Variants in ZWILCH observed in about 807,000 individuals in gnomAD.
ZWILCH encodes the protein protein zwilch homolog.
Under a neutral mutation model 79.9 loss-of-function variants are expected in ZWILCH, and 74 were observed. The ratio of observed to expected loss-of-function variants is 0.93; its 90% CI spans 0.77 to 1.12. The LOEUF is 1.12. ZWILCH is among the 50% of genes most tolerant of loss of function. The pLI is 0.00. For synonymous variants in ZWILCH, 241 were observed against 228.2 expected, an observed-to-expected ratio of 1.06 and a Z score of -0.51; for missense variants, 694 against 687.5, an observed-to-expected ratio of 1.01 and a Z score of -0.11.
At position 66,536,960 on chromosome 15, in the gene ZWILCH, A is replaced by G. The variant is rs147471929; in HGVS notation, c.1479-208A>G. On this transcript the variant is annotated intron_variant, in intron 15 of 18. Transcript: ENST00000307897. ...TATTAATTTTTTAAAAGTGAATGAG[A>G]TTTGTTTTCAAAGAAAAAAACATAA... Among the ~76,000 whole-genome samples, 45 of 152,082 alleles carry G rather than the reference A, an allele frequency of 3.0e-4. 1 individual carries two copies. The South Asian group carries it at 8.5e-3, about 29-fold the overall frequency.
chr15:66,513,489 C>T (rs892538013), intron 2 of ZWILCH, among the ~76,000 whole-genome samples: 2 of 151,886 alleles, frequency 1.3e-5, no homozygotes, highest in African/African-American at 4.8e-5. Context: ...TTGCTTGAGC[C>T]CAGGAGTTTG....
intron 14 of ZWILCH, among the ~76,000 whole-genome samples, chr15:66,534,228 A>G (rs978801067): frequency 1.3e-4 from 20 of 152,238 alleles, no homozygotes; most frequent in Admixed American, 5.2e-4. Flanking sequence ...ACAACTATTT[A>G]TGTAGCATTT....
intron 14 of ZWILCH, among the ~76,000 whole-genome samples, chr15:66,535,001 C>T (rs1338472538): frequency 6.6e-6 from 1 of 151,880 alleles, no homozygotes; most frequent in Non-Finnish European, 1.5e-5. Flanking sequence ...AAAATATTTT[C>T]TCTTTGTATT....
In ZWILCH at chr15:66,523,755, A is replaced by T. The variant is rs368030432; in HGVS notation, c.819+7A>T. Reference sequence around the variant, plus strand: ...AGAACTGAAATTTCTTCTTGTGAGTATCCTTCTAGAATTCCTTTCCTTAAA... The same window carrying T: ...AGAACTGAAATTTCTTCTTGTGAGTTTCCTTCTAGAATTCCTTTCCTTAAA... On this transcript the variant is annotated splice_region_variant and intron_variant, in intron 8 of 18. Coordinates refer to ENST00000307897, the MANE Select transcript of ZWILCH (RefSeq NM_017975.5). 4.7e-5 allele frequency: 75 copies of T among 1,592,282 alleles called. No homozygotes were observed. Among genetic ancestry groups the T allele is most frequent in the Middle Eastern group, 3.3e-4 (2 of 6,002 alleles).
At chr15:66,513,375 G>A (rs1454203113) in intron 2 of ZWILCH, among the ~76,000 whole-genome samples, 1 of 151,904 alleles carries the variant, frequency 6.6e-6, no homozygotes, top group Non-Finnish European at 1.5e-5. Flanking sequence ...AGACCAGCCT[G>A]GGCAATATAG....
chr15:66,538,917 T>C (rs550667177), intron 16 of ZWILCH, among the ~76,000 whole-genome samples: 7 of 152,340 alleles, frequency 4.6e-5, no homozygotes, highest in Non-Finnish European at 1.0e-4. Flanking sequence ...GTGATTGCAT[T>C]TATTCTCAAG....
At chr15:66,525,693 C>T (rs932275187) in intron 8 of ZWILCH, among the ~76,000 whole-genome samples, 1 of 151,954 alleles carries the variant, frequency 6.6e-6, no homozygotes, top group African/African-American at 2.4e-5. Context: ...CACCAAACTC[C>T]ATGCCCCAAG....
At chr15:66,515,749 A>T (rs776775695) in intron 4 of ZWILCH, 105 bp downstream of exon 4, 46 of 776,300 alleles carry the variant, frequency 5.9e-5, no homozygotes, top group Non-Finnish European at 8.3e-5. Context: ...ATCTTCCTTC[A>T]TCTCCCCCAC....
At chr15:66,513,231 T>C (rs1224414716) in intron 2 of ZWILCH, among the ~76,000 whole-genome samples, 1 of 151,912 alleles carries the variant, frequency 6.6e-6, no homozygotes, top group African/African-American at 2.4e-5. Flanking sequence ...GTACCCAGCC[T>C]GTTTTCAAAC....
At chr15:66,510,750 T>C (rs1595902892) in intron 2 of ZWILCH, among the ~76,000 whole-genome samples, 2 of 152,214 alleles carry the variant, frequency 1.3e-5, no homozygotes, top group Admixed American at 6.5e-5. Context: ...TTTCCTTGCC[T>C]CTTTCTACCT....
rs1895466929 is a variant in ZWILCH, at chr15:66,548,525, C to T, written c.*201C>T. The T allele has an allele frequency of 3.7e-6, 6 of 1,612,356 alleles. No individual in the cohort carries two copies. Among genetic ancestry groups the T allele is most frequent in the Non-Finnish European group, 5.1e-6 (6 of 1,178,498 alleles). Reference sequence around the variant, plus strand: ...CTCCTCAGGAGGAGCATTAGTAGAACAGCAGTGATGAGGACACAGAGGGAG... The same window carrying T: ...CTCCTCAGGAGGAGCATTAGTAGAATAGCAGTGATGAGGACACAGAGGGAG... On this transcript the variant is annotated 3_prime_UTR_variant, in exon 19 of 19. Coordinates refer to ENST00000307897, the MANE Select transcript of ZWILCH (RefSeq NM_017975.5).
chr15:66,543,663 G>A (rs1435658529), intron 17 of ZWILCH, among the ~76,000 whole-genome samples: 2 of 151,876 alleles, frequency 1.3e-5, no homozygotes, highest in Non-Finnish European at 2.9e-5. Flanking sequence ...AGGCTGAGGT[G>A]GGAGGATTAG....
intron 17 of ZWILCH, among the ~76,000 whole-genome samples, chr15:66,544,983 C>T: frequency 6.6e-6 from 1 of 151,654 alleles, no homozygotes; most frequent in Non-Finnish European, 1.5e-5. Flanking sequence ...ACCTCATGAT[C>T]CGCCTGCCTT....
intron 17 of ZWILCH, among the ~76,000 whole-genome samples, chr15:66,544,724 T>TTTTGTGTGTGTGTGTGTGTG (rs145952622): frequency 7.8e-6 from 1 of 128,488 alleles, no homozygotes; most frequent in African/African-American, 3.1e-5. Context: ...TTTTTGGTTT[T>TTTTGTGTGTGTGTGTGTGTG]TGTGTGTGTG....
chr15:66,547,556 A>T (rs564413729), intron 18 of ZWILCH: 11 of 152,216 alleles, frequency 7.2e-5, no homozygotes, highest in Non-Finnish European at 1.5e-4. Flanking sequence ...AATCTTTATT[A>T]TAAAAAAGAC....
intron 1 of ZWILCH, among the ~76,000 whole-genome samples, chr15:66,507,809 T>C (rs892376101): frequency 6.6e-6 from 1 of 152,126 alleles, no homozygotes; most frequent in African/African-American, 2.4e-5. Context: ...GGCAGGCTCC[T>C]GTAGTCCTAG....
chr15:66,515,714 G>A lies in ZWILCH; in HGVS notation c.320+70G>A, dbSNP rs1894226908. 3.8e-6 allele frequency: 4 copies of A among 1,053,170 alleles called. No homozygotes were observed. In the South Asian group the frequency reaches 3.9e-5, roughly 10 times the overall value. 65.2% of individuals were successfully genotyped at this position (1,053,170 alleles called of 1,614,324 possible). ...AATTGAAACATTCTTATAAACGTTG[G>A]GAAAAATAGGCCTCTAGCCCTTATA... On this transcript the variant is annotated intron_variant, in intron 4 of 18. Coordinates refer to ENST00000307897, the MANE Select transcript of ZWILCH (RefSeq NM_017975.5).
chr15:66,546,207 G>T (rs909345139), intron 17 of ZWILCH, among the ~76,000 whole-genome samples: 2 of 152,154 alleles, frequency 1.3e-5, no homozygotes, highest in African/African-American at 4.8e-5. Context: ...GAGAAAAATG[G>T]ATATGTGTCT....
At chr15:66,529,383 G>C (rs1397666441) in intron 11 of ZWILCH, 111 bp from the exon 12 acceptor site, 1 of 538,466 alleles carries the variant, frequency 1.9e-6, no homozygotes, top group African/African-American at 2.0e-5. Flanking sequence ...TCCCCTGCTT[G>C]CAAAGTACAA....
Sources: allele counts gnomAD v4.1 joint callset (sites outside exome capture counted in the v4.1 genomes callset), GRCh38; gene constraint gnomAD v4.1.1; transcripts MANE v1.5; gene names NCBI Gene and HGNC (gene_info 2026-07-23, HGNC 2026-07-21).